The following RIMBP2 variants were observed in gnomAD, a reference collection of about 807,000 sequenced individuals.
The protein encoded by RIMBP2 is RIMS-binding protein 2.
Under a neutral mutation model 118.6 loss-of-function variants are expected in RIMBP2, and 48 were observed. The ratio of observed to expected loss-of-function variants is 0.40; its 90% confidence interval spans 0.32 to 0.51. RIMBP2 has a LOEUF of 0.51. Among genes scored for constraint, RIMBP2 ranks in the 20% least tolerant of loss-of-function variants. The probability of loss-of-function intolerance (pLI) is 0.41; values close to 1 mark genes in which losing one functional copy is unlikely to be tolerated. For missense variants in RIMBP2, 1,551 were observed against 1,768.3 expected (o/e 0.88, Z 2.20); for synonymous variants, 762 against 742.9 (o/e 1.03, Z -0.42).
At position 130,556,920 on chromosome 12, in the gene RIMBP2, C is replaced by T. The variant is rs533594848; in HGVS notation, c.-216-39003G>A. Among the ~76,000 whole-genome samples the T allele has an allele frequency of 4.6e-5, 7 of 152,276 alleles. No individual in the cohort carries two copies. The South Asian group carries it at 6.2e-4, about 14-fold the overall frequency. On this transcript the variant is annotated intron_variant, in intron 2 of 22. Coordinates refer to ENST00000690449, the MANE Select transcript of RIMBP2 (RefSeq NM_001393629.1). The stretch of plus-strand genomic sequence containing the variant: ...GTAGGTGCAGAGACGTCTTGCATCT[C>T]GGCTTCTTGATCTAAACAAGATGGT...
chr12:130,590,085 C>G (rs1296913877), intron 2 of RIMBP2, among the ~76,000 whole-genome samples: 1 of 152,250 alleles, frequency 6.6e-6, no homozygotes, highest in East Asian at 1.9e-4. Flanking sequence ...ACAGGAAACA[C>G]GTGAAAGCAT....
chr12:130,457,581 G>A (rs944876230), intron 6 of RIMBP2, among the ~76,000 whole-genome samples: 1 of 152,214 alleles, frequency 6.6e-6, no homozygotes, highest in Non-Finnish European at 1.5e-5. Context: ...GCAGGACAGA[G>A]GGGTCTACAG....
rs192702901 is a variant in RIMBP2 at position 130,434,318 on chromosome 12, G to A, written c.2253+416C>T. On this transcript the variant is annotated intron_variant, in intron 14 of 22. Transcript: ENST00000690449. The surrounding 1 kb of genome is among the most constrained non-coding windows in gnomAD (Gnocchi z 5.7). Reference sequence around the variant, plus strand: ...CTGCCGTTTTGCTGTTCTGAAGGACGAACACTGACTGTGTTATTTTTGGCT... The same window carrying A: ...CTGCCGTTTTGCTGTTCTGAAGGACAAACACTGACTGTGTTATTTTTGGCT... Among the ~76,000 whole-genome samples, 64 of 152,192 alleles carry A rather than the reference G, an allele frequency of 4.2e-4. No homozygotes were observed. Among genetic ancestry groups the A allele is most frequent in the African/African-American group, 1.3e-3 (54 of 41,504 alleles).
At chr12:130,604,559 T>C (rs1252802448) in intron 2 of RIMBP2, among the ~76,000 whole-genome samples, 3 of 142,760 alleles carry the variant, frequency 2.1e-5, no homozygotes, top group African/African-American at 7.8e-5. Context: ...TCATGGTAAG[T>C]GCCCTATACA....
intron 1 of RIMBP2, among the ~76,000 whole-genome samples, chr12:130,635,582 C>T (rs1191959685): frequency 1.3e-5 from 2 of 152,128 alleles, no homozygotes; most frequent in African/African-American, 4.8e-5. Flanking sequence ...CAGGTCACTG[C>T]ACATCAGCAG....
intron 2 of RIMBP2, among the ~76,000 whole-genome samples, chr12:130,522,849 G>A (rs2052301488): frequency 1.3e-5 from 2 of 152,100 alleles, no homozygotes; most frequent in South Asian, 4.1e-4. Flanking sequence ...ATTTGGAGAT[G>A]GGACTCTTAG....
chr12:130,559,754 G>A (rs1481153325), intron 2 of RIMBP2, among the ~76,000 whole-genome samples: 1 of 152,184 alleles, frequency 6.6e-6, no homozygotes, highest in East Asian at 1.9e-4. Flanking sequence ...TAAGGGTGCT[G>A]GCTTGGAAGC....
intron 4 of RIMBP2, 109 bp downstream of exon 4, chr12:130,506,539 C>T (rs1207279944): frequency 1.3e-6 from 1 of 779,532 alleles, no homozygotes; most frequent in Non-Finnish European, 1.6e-6. Context: ...TGGATGATGG[C>T]TTCCAAAGGA....
At chr12:130,664,413 A>ACGCGCACG (rs746938510) in intron 1 of RIMBP2, among the ~76,000 whole-genome samples, 1 of 121,238 alleles carries the variant, frequency 8.2e-6, no homozygotes, top group East Asian at 2.6e-4. Context: ...GCACGCACGC[A>ACGCGCACG]CACACACGCA....
chr12:130,530,605 G>A (rs1176371810), intron 2 of RIMBP2, among the ~76,000 whole-genome samples: 1 of 152,210 alleles, frequency 6.6e-6, no homozygotes, highest in African/African-American at 2.4e-5. Context: ...GCTAGTGCCT[G>A]AGGGAAAACC....
chr12:130,590,173 C>T (rs187198352), intron 2 of RIMBP2, among the ~76,000 whole-genome samples: 2 of 152,330 alleles, frequency 1.3e-5, no homozygotes. Context: ...TCAAATAACA[C>T]AATGCCAAGC....
intron 1 of RIMBP2, among the ~76,000 whole-genome samples, chr12:130,697,194 G>A (rs1055132103): frequency 2.6e-5 from 4 of 152,206 alleles, no homozygotes; most frequent in Non-Finnish European, 5.9e-5. Flanking sequence ...CCTGAACTAA[G>A]ACCACAGAAA....
chr12:130,402,909 G>A (rs989844821), intron 21 of RIMBP2, among the ~76,000 whole-genome samples: 6 of 152,296 alleles, frequency 3.9e-5, no homozygotes, highest in Non-Finnish European at 5.9e-5. Flanking sequence ...AACAGCACAC[G>A]CTTTAAAACA....
At chr12:130,634,716 C>G (rs1169504099) in intron 1 of RIMBP2, among the ~76,000 whole-genome samples, 1 of 152,036 alleles carries the variant, frequency 6.6e-6, no homozygotes, top group Non-Finnish European at 1.5e-5. Context: ...CTCAGCCTCC[C>G]AAGTAGCTGA....
At chr12:130,414,868 A>G (rs191366710) in intron 17 of RIMBP2, among the ~76,000 whole-genome samples, 27 of 152,360 alleles carry the variant, frequency 1.8e-4, no homozygotes, top group African/African-American at 5.8e-4. Context: ...GGAAATGGAT[A>G]CATTCCTAGA....
chr12:130,645,983 A>T (rs1027201227), intron 1 of RIMBP2, among the ~76,000 whole-genome samples: 2 of 152,106 alleles, frequency 1.3e-5, no homozygotes, highest in African/African-American at 4.8e-5. Flanking sequence ...GAAAAAACCC[A>T]GGGAACAACA....
intron 1 of RIMBP2, among the ~76,000 whole-genome samples, chr12:130,646,406 T>TCCCTCA (rs2062962498): frequency 3.8e-4 from 4 of 10,606 alleles, no homozygotes; most frequent in East Asian, 6.1e-3. Context: ...CACCTGCCTC[T>TCCCTCA]CCACCTCCCT....
intron 1 of RIMBP2, among the ~76,000 whole-genome samples, chr12:130,642,281 T>A (rs181592193): frequency 2.3e-3 from 137 of 59,672 alleles, no homozygotes; most frequent in African/African-American, 5.5e-3. Context: ...AGTTTAGTTT[T>A]GTTTTGTTTT....
At chr12:130,608,453 G>A (rs544399338) in intron 2 of RIMBP2, among the ~76,000 whole-genome samples, 146 of 152,346 alleles carry the variant, frequency 9.6e-4, no homozygotes, top group Non-Finnish European at 1.7e-3. Flanking sequence ...TCCAGGCTAC[G>A]TGTGCCTCTT....
Sources: allele counts gnomAD v4.1 joint callset (sites outside exome capture counted in the v4.1 genomes callset), GRCh38; gene constraint gnomAD v4.1.1; non-coding constraint Gnocchi (gnomAD v3.1); transcripts MANE v1.5; gene names NCBI Gene and HGNC (gene_info 2026-07-23, HGNC 2026-07-21).